The following GAD2 variants were observed in gnomAD, a reference collection of about 807,000 sequenced individuals.
GAD2 encodes 65 kDa glutamic acid decarboxylase.
GAD2 carries 22 observed loss-of-function variants against 80.1 expected under a neutral mutation model. The ratio of observed to expected loss-of-function variants is 0.27; its 90% CI spans 0.20 to 0.39. The LOEUF is 0.39. GAD2 is among the 10% of genes least tolerant of loss of function. GAD2 has a pLI of 1.00. For missense variants in GAD2, 624 were observed against 738.4 expected, an observed-to-expected ratio of 0.85 and a Z score of 1.80; for synonymous variants, 274 against 256.9, an observed-to-expected ratio of 1.07 and a Z score of -0.64.
chr10:26,277,079 G>A (rs372776377), intron 11 of GAD2, among the ~76,000 whole-genome samples: 1 of 152,212 alleles, frequency 6.6e-6, no homozygotes. Flanking sequence ...AGAAAGGAAT[G>A]TTTCCTTCTG....
chr10:26,291,406 G>A (rs547909330), intron 13 of GAD2, among the ~76,000 whole-genome samples: 2 of 151,000 alleles, frequency 1.3e-5, no homozygotes, highest in South Asian at 2.1e-4. Context: ...TCCTTGAGCC[G>A]ATTACCTGGG....
In GAD2 at chr10:26,244,578, C is replaced by CTACA. The variant is rs146112753; in HGVS notation, c.841-1342_841-1339dup. On this transcript the variant is annotated intron_variant, in intron 7 of 15. Coordinates refer to ENST00000376261, the MANE Select transcript of GAD2 (RefSeq NM_001134366.2). The stretch of plus-strand genomic sequence containing the variant: ...AAAAGGAAGGAAATTCTCACACATG[C>CTACA]TACAACATGGATGAACCTTGAGGAC... 4.1e-3 allele frequency among the ~76,000 whole-genome samples: 622 copies of CTACA among 152,292 alleles called. 6 individuals are homozygous for CTACA. The highest frequency in any genetic ancestry group is 0.014 in the African/African-American group (587 of 41,552).
intron 11 of GAD2, 94 bp from the exon 12 acceptor site, chr10:26,280,915 T>G: frequency 1.3e-6 from 1 of 762,776 alleles, no homozygotes; most frequent in Non-Finnish European, 2.3e-6. Flanking sequence ...ATCTGGAGTC[T>G]GAGAAACAAT....
intron 7 of GAD2, among the ~76,000 whole-genome samples, chr10:26,236,328 C>T (rs2132280682): frequency 7.1e-6 from 1 of 141,716 alleles, no homozygotes; most frequent in East Asian, 2.1e-4. Flanking sequence ...GAGATGGAGT[C>T]TCACTCTTGT....
Position 26,245,909 on chromosome 10 carries a change from T to A in GAD2, c.841-12T>A. Reference sequence around the variant, plus strand: ...ATGGAACTAATTGCAAATATATATATTTTTTTTACAGAGTCATTTTTCTCT... The same window carrying A: ...ATGGAACTAATTGCAAATATATATAATTTTTTTACAGAGTCATTTTTCTCT... On this transcript the variant is annotated splice_polypyrimidine_tract_variant and intron_variant, in intron 7 of 15. Coordinates refer to ENST00000376261, the MANE Select transcript of GAD2 (RefSeq NM_001134366.2). The A allele has an allele frequency of 6.4e-7, 1 of 1,571,920 alleles. No homozygotes were observed. The highest frequency in any genetic ancestry group is 8.7e-7 in the Non-Finnish European group (1 of 1,151,010).
chr10:26,249,925 G>A (rs1358297224), intron 8 of GAD2, among the ~76,000 whole-genome samples: 3 of 152,094 alleles, frequency 2.0e-5, no homozygotes, highest in Admixed American at 6.5e-5. Flanking sequence ...CCAGGAGGGC[G>A]GAGAAGGAGG....
intron 10 of GAD2, among the ~76,000 whole-genome samples, chr10:26,272,010 T>G (rs1845143156): frequency 6.6e-6 from 1 of 152,160 alleles, no homozygotes; most frequent in African/African-American, 2.4e-5. Flanking sequence ...TCCACCTGCC[T>G]TGGCCTCCCA....
At chr10:26,294,387 C>A (rs914802180) in intron 15 of GAD2, among the ~76,000 whole-genome samples, 1 of 152,190 alleles carries the variant, frequency 6.6e-6, no homozygotes, top group Non-Finnish European at 1.5e-5. Flanking sequence ...AACTCCTCAT[C>A]GGGAGGAAAC....
chr10:26,232,469 C>T (rs57416078), intron 7 of GAD2, among the ~76,000 whole-genome samples: 4,480 of 101,670 alleles, frequency 0.044, 340 homozygotes, highest in African/African-American at 0.14. Flanking sequence ...ACTCAGTCTA[C>T]TTTTTTTTTT....
At chr10:26,289,480 T>G (rs1834189434) in intron 13 of GAD2, among the ~76,000 whole-genome samples, 1 of 152,166 alleles carries the variant, frequency 6.6e-6, no homozygotes, top group Non-Finnish European at 1.5e-5. Context: ...CTAAATGCAC[T>G]GATGACAGCC....
intron 4 of GAD2, among the ~76,000 whole-genome samples, chr10:26,221,137 A>G (rs1380323632): frequency 1.3e-5 from 2 of 152,248 alleles, no homozygotes; most frequent in East Asian, 3.8e-4. Context: ...TGGCAACTTT[A>G]TAGATTTCTG....
chr10:26,292,621 C>T (rs958915137), intron 14 of GAD2, 49 bp downstream of exon 14: 6 of 1,332,262 alleles, frequency 4.5e-6, no homozygotes, highest in Non-Finnish European at 6.5e-6. Context: ...CAATTCCAAC[C>T]CTCATCACTG....
intron 4 of GAD2, among the ~76,000 whole-genome samples, chr10:26,220,851 A>C (rs1345784781): frequency 2.0e-5 from 3 of 152,222 alleles, no homozygotes; most frequent in African/African-American, 7.2e-5. Flanking sequence ...AAGTCAATGA[A>C]AGTAATAGTT....
chr10:26,255,205 C>G (rs576550513), intron 8 of GAD2, among the ~76,000 whole-genome samples: 1 of 152,124 alleles, frequency 6.6e-6, no homozygotes, highest in Non-Finnish European at 1.5e-5. Context: ...AATCAGAAAC[C>G]GGGGCCACGA....
In GAD2 at chr10:26,277,770, A is replaced by G. The variant is rs576536506; in HGVS notation, c.1158-3239A>G. 1.3e-4 allele frequency among the ~76,000 whole-genome samples: 20 copies of G among 152,274 alleles called. No homozygotes were observed. In the South Asian group the frequency reaches 4.2e-3, roughly 32 times the overall value. ...TGAGGTTTGGAGGCTGGAGGCCTGG[A>G]AGGAAAATGGTGCCAGGAACACAGA... On this transcript the variant is annotated intron_variant, in intron 11 of 15. Coordinates refer to ENST00000376261, the MANE Select transcript of GAD2 (RefSeq NM_001134366.2).
At chr10:26,297,647 T>C (rs1207081054) in intron 15 of GAD2, among the ~76,000 whole-genome samples, 5 of 152,206 alleles carry the variant, frequency 3.3e-5, no homozygotes, top group African/African-American at 1.2e-4. Flanking sequence ...GTGAAATCTC[T>C]ATGTATTTCA....
At chr10:26,293,727 G>T (rs1448301022) in intron 15 of GAD2, among the ~76,000 whole-genome samples, 2 of 152,166 alleles carry the variant, frequency 1.3e-5, no homozygotes, top group Non-Finnish European at 2.9e-5. Context: ...GCTACCCTGG[G>T]TGTGTCCTTA....
chr10:26,287,029 A>T (rs866163918), intron 13 of GAD2, among the ~76,000 whole-genome samples: 2 of 152,300 alleles, frequency 1.3e-5, no homozygotes, highest in African/African-American at 4.8e-5. Context: ...CTCTGAATTT[A>T]GCTGTAGGTG....
At chr10:26,253,033 AC>A (rs1844899057) in intron 8 of GAD2, among the ~76,000 whole-genome samples, 1 of 152,106 alleles carries the variant, frequency 6.6e-6, no homozygotes, top group South Asian at 2.1e-4. Context: ...CTCAGTTAAA[AC>A]AAAAAAAAAA....
Sources: gnomAD v4.1 joint callset for allele counts (sites outside exome capture counted in the v4.1 genomes callset) on GRCh38, gnomAD v4.1.1 for gene constraint, MANE v1.5 for transcripts, NCBI Gene and HGNC (gene_info 2026-07-23, HGNC 2026-07-21) for gene names.